The following MIPOL1 variants were observed in gnomAD, a reference collection of about 807,000 sequenced individuals.
MIPOL1 encodes the protein mirror-image polydactyly gene 1 protein.
In MIPOL1, 57 loss-of-function variants were observed where a neutral mutation model predicts 60.9. The ratio of observed to expected loss-of-function variants is 0.94; its 90% confidence interval spans 0.76 to 1.17. The LOEUF (loss-of-function observed/expected upper bound fraction) is 1.17. MIPOL1 is among the 50% of genes most tolerant of loss of function. The pLI is 0.00. For synonymous variants in MIPOL1, 179 were observed against 168.8 expected, an observed-to-expected ratio of 1.06 and a Z score of -0.47; for missense variants, 551 against 511.6, an observed-to-expected ratio of 1.08 and a Z score of -0.74.
intron 11 of MIPOL1, among the ~76,000 whole-genome samples, chr14:37,459,701 G>A (rs2094517823): frequency 6.6e-6 from 1 of 152,066 alleles, no homozygotes; most frequent in Non-Finnish European, 1.5e-5. Context: ...GCAAAGCCAG[G>A]GAAGGACACA....
intron 11 of MIPOL1, among the ~76,000 whole-genome samples, chr14:37,482,839 C>G (rs1353792380): frequency 2.6e-5 from 4 of 152,146 alleles, no homozygotes; most frequent in Admixed American, 1.3e-4. Context: ...TGTATACTCT[C>G]AGTGGGAACA....
At chr14:37,259,306 A>G (rs951650751) in intron 3 of MIPOL1, among the ~76,000 whole-genome samples, 3 of 152,110 alleles carry the variant, frequency 2.0e-5, no homozygotes, top group African/African-American at 7.2e-5. Flanking sequence ...CTATAATCCC[A>G]GCACTTTGGG....
At chr14:37,377,371 T>C (rs549309135) in intron 10 of MIPOL1, among the ~76,000 whole-genome samples, 1 of 152,198 alleles carries the variant, frequency 6.6e-6, no homozygotes, top group Non-Finnish European at 1.5e-5. Context: ...TCCCTTCTTA[T>C]TACATGCTGT....
At chr14:37,398,515 C>T (rs1229110185) in intron 10 of MIPOL1, among the ~76,000 whole-genome samples, 3 of 152,174 alleles carry the variant, frequency 2.0e-5, no homozygotes, top group Admixed American at 2.0e-4. Context: ...GATCTCTCTT[C>T]CCAGGCCAAC....
Position 37,200,844 on chromosome 14 carries a change from CTATCTATG to C in MIPOL1, c.-199+2742_-199+2749del, listed in dbSNP as rs1206392259. ...GAAATATAGATCCATAATACTATAT[CTATCTATG>C]TGTGTGTGTGTGTGTGTGTGTGTGT... On this transcript the variant is annotated intron_variant, in intron 1 of 12. Coordinates refer to ENST00000684589, the MANE Select transcript of MIPOL1 (RefSeq NM_001388067.1). Among the ~76,000 whole-genome samples, 964 of 119,158 alleles carry C rather than the reference CTATCTATG, an allele frequency of 8.1e-3. 15 individuals carry two copies. The highest frequency in any genetic ancestry group is 0.03 in the African/African-American group (928 of 30,488). The allele number at this position is 119,158 out of a possible 152,430, so 78.2% of individuals were successfully genotyped here.
intron 1 of MIPOL1, among the ~76,000 whole-genome samples, chr14:37,237,389 A>T (rs902751546): frequency 8.5e-5 from 13 of 152,146 alleles, no homozygotes; most frequent in African/African-American, 3.1e-4. Flanking sequence ...GAATAAAGCC[A>T]TATAATACTG....
chr14:37,364,818 C>T (rs1037642613), intron 9 of MIPOL1, among the ~76,000 whole-genome samples: 3 of 152,028 alleles, frequency 2.0e-5, no homozygotes, highest in Non-Finnish European at 4.4e-5. Context: ...TTGGGTAGCA[C>T]CTACATTTTT....
intron 10 of MIPOL1, among the ~76,000 whole-genome samples, chr14:37,404,424 T>G (rs749047667): frequency 1.3e-5 from 2 of 152,110 alleles, no homozygotes; most frequent in African/African-American, 2.4e-5. Flanking sequence ...AAGAACAGAT[T>G]TTAGTTATGC....
chr14:37,447,029 C>T (rs2094347558), intron 11 of MIPOL1, among the ~76,000 whole-genome samples: 1 of 151,614 alleles, frequency 6.6e-6, no homozygotes, highest in African/African-American at 2.4e-5. Flanking sequence ...ACATATGTAA[C>T]TAACCTGCAC....
intron 3 of MIPOL1, among the ~76,000 whole-genome samples, chr14:37,262,768 G>A (rs1353912045): frequency 6.6e-6 from 1 of 152,102 alleles, no homozygotes; most frequent in Non-Finnish European, 1.5e-5. Flanking sequence ...AGGTAGCTGG[G>A]ATGTTGCTAT....
chr14:37,396,263 G>T (rs1430799486), intron 10 of MIPOL1, among the ~76,000 whole-genome samples: 1 of 152,006 alleles, frequency 6.6e-6, no homozygotes, highest in East Asian at 1.9e-4. Context: ...AAAATTCTTG[G>T]CTGATAATTG....
At chr14:37,369,433 G>T in intron 9 of MIPOL1, 84 bp from the exon 10 acceptor site, 3 of 844,504 alleles carry the variant, frequency 3.6e-6, no homozygotes, top group Admixed American at 2.2e-5. Context: ...AGAATACAAT[G>T]ATATTATTTA....
At chr14:37,286,829 C>T (rs1038611588) in intron 7 of MIPOL1, among the ~76,000 whole-genome samples, 1 of 151,956 alleles carries the variant, frequency 6.6e-6, no homozygotes. Flanking sequence ...TCCAAAATAA[C>T]CATCTTTATC....
At chr14:37,361,572 C>T (rs1478853704) in intron 9 of MIPOL1, among the ~76,000 whole-genome samples, 1 of 144,934 alleles carries the variant, frequency 6.9e-6, no homozygotes, top group Non-Finnish European at 1.5e-5. Flanking sequence ...GTTCCCTTTA[C>T]CATTATGTGA....
At chr14:37,450,998 TAATAAA>T (rs764776442) in intron 11 of MIPOL1, among the ~76,000 whole-genome samples, 1 of 152,188 alleles carries the variant, frequency 6.6e-6, no homozygotes, top group Non-Finnish European at 1.5e-5. Flanking sequence ...CTTAAAAATT[TAATAAA>T]GTGGTATTAC....
At chr14:37,408,499 A>G (rs796395122) in intron 10 of MIPOL1, among the ~76,000 whole-genome samples, 11 of 152,144 alleles carry the variant, frequency 7.2e-5, no homozygotes, top group African/African-American at 2.7e-4. Context: ...GTGTGGTGGC[A>G]TGTACCTATA....
chr14:37,517,668 A>T (rs986538237), intron 12 of MIPOL1, among the ~76,000 whole-genome samples: 1 of 152,218 alleles, frequency 6.6e-6, no homozygotes, highest in South Asian at 2.1e-4. Context: ...GTACGTGCAC[A>T]TAGTGTAATA....
At chr14:37,351,521 AC>A (rs1490314409) in intron 9 of MIPOL1, among the ~76,000 whole-genome samples, 1 of 151,256 alleles carries the variant, frequency 6.6e-6, no homozygotes, top group East Asian at 2.0e-4. Flanking sequence ...TTACAGTCCC[AC>A]CAACAGTGTA....
chr14:37,290,554 T>G (rs1030730450), intron 7 of MIPOL1, among the ~76,000 whole-genome samples: 3 of 152,146 alleles, frequency 2.0e-5, no homozygotes, highest in South Asian at 2.1e-4. Context: ...GTCTTTTTTT[T>G]GTCAGATACC....
Sources: allele counts gnomAD v4.1 joint callset (sites outside exome capture counted in the v4.1 genomes callset), GRCh38; gene constraint gnomAD v4.1.1; transcripts MANE v1.5; gene names NCBI Gene and HGNC (gene_info 2026-07-23, HGNC 2026-07-21).